The following PCDHA2 variants were observed in gnomAD, a reference collection of about 807,000 sequenced individuals.
The protein encoded by PCDHA2 is protocadherin alpha 2.
A neutral mutation model predicts 66.0 loss-of-function variants in PCDHA2; 58 were observed. That is an observed-to-expected ratio of 0.88 (90% CI 0.71 to 1.09). PCDHA2 has a LOEUF of 1.09. PCDHA2 is among the 50% of genes least tolerant of loss of function. The probability of loss-of-function intolerance (pLI) is 0.00; values close to 1 mark genes in which losing one functional copy is unlikely to be tolerated. For missense variants in PCDHA2, 1,267 were observed against 1,242.3 expected (o/e 1.02, Z -0.30); for synonymous variants, 634 against 554.0 (o/e 1.14, Z -2.03).
chr5:140,950,569 T>G (rs969438550), intron 1 of PCDHA2, among the ~76,000 whole-genome samples: 2 of 152,120 alleles, frequency 1.3e-5, no homozygotes, highest in African/African-American at 4.8e-5. Context: ...TATTTTAAGG[T>G]TTTCTACTTA....
At chr5:140,883,365 G>A in intron 1 of PCDHA2, 1 of 1,614,148 alleles carries the variant, frequency 6.2e-7, no homozygotes, top group Non-Finnish European at 8.5e-7. Context: ...ACTCAGCCTA[G>A]CGCCATTATT....
intron 1 of PCDHA2, chr5:140,809,589 C>A (rs782233808): frequency 6.5e-7 from 1 of 1,540,572 alleles, no homozygotes; most frequent in South Asian, 1.2e-5. Context: ...GTATAACATC[C>A]TTTTGTTTAA....
chr5:140,832,320 C>T (rs1189533156), intron 1 of PCDHA2, among the ~76,000 whole-genome samples: 1 of 152,296 alleles, frequency 6.6e-6, no homozygotes, highest in East Asian at 1.9e-4. Context: ...TGCTTAAGGG[C>T]CATTAGAGGA....
intron 1 of PCDHA2, among the ~76,000 whole-genome samples, chr5:140,942,287 G>A (rs1468201947): frequency 1.3e-5 from 2 of 152,102 alleles, no homozygotes; most frequent in African/African-American, 4.8e-5. Context: ...GCTCATGCCT[G>A]TAATCCTAGC....
At chr5:140,938,133 A>G (rs2091933876) in intron 1 of PCDHA2, among the ~76,000 whole-genome samples, 1 of 152,268 alleles carries the variant, frequency 6.6e-6, no homozygotes, top group South Asian at 2.1e-4. Context: ...AAAAATAGAG[A>G]TAGAGTCTCA....
chr5:140,929,140 C>T, intron 1 of PCDHA2: 1 of 1,614,176 alleles, frequency 6.2e-7, no homozygotes, highest in Non-Finnish European at 8.5e-7. Context: ...AGTTGAGAGA[C>T]TTTCTCAGAC....
At position 140,797,162 on chromosome 5, in the gene PCDHA2, C is replaced by A. The variant is rs782645226; in HGVS notation, c.2198C>A (p.Ala733Glu). ...CSVPPTEGAR[A>E]PGKPTLVCSS... ...GTGCCACCCACCGAGGGTGCGCGCG[C>A]GCCAGGAAAGCCCACGCTGGTGTGC... The change falls in exon 1 of 4, where the codon GCG becomes GAG. Residue 733 changes from alanine to glutamate, a missense_variant. Ala to Glu is a moderately radical substitution (Grantham distance 107). Transcript: ENST00000526136. 6.2e-7 allele frequency: 1 copy of A among 1,614,014 alleles called. No homozygotes were observed. The highest frequency in any genetic ancestry group is 8.5e-7 in the Non-Finnish European group (1 of 1,179,998).
chr5:140,998,243 C>T (rs1554256209), intron 3 of PCDHA2, among the ~76,000 whole-genome samples: 1 of 152,164 alleles, frequency 6.6e-6, no homozygotes, highest in Non-Finnish European at 1.5e-5. Context: ...CATTATTATA[C>T]TCATTTTACT....
At chr5:140,857,366 G>A in intron 1 of PCDHA2, 1 of 1,598,350 alleles carries the variant, frequency 6.3e-7, no homozygotes, top group Non-Finnish European at 8.6e-7. Context: ...CACGGCCAGC[G>A]TGTCTGTGGA....
chr5:140,875,573 C>A, intron 1 of PCDHA2: 1 of 1,614,112 alleles, frequency 6.2e-7, no homozygotes, highest in Non-Finnish European at 8.5e-7. Context: ...CTCCACTACT[C>A]CGTCTACGAG....
intron 1 of PCDHA2, among the ~76,000 whole-genome samples, chr5:140,845,743 T>C (rs2150214472): frequency 6.7e-6 from 1 of 149,754 alleles, no homozygotes; most frequent in East Asian, 1.9e-4. Flanking sequence ...ACTTTATAGA[T>C]TTATTTGTAT....
At chr5:140,809,777 C>T (rs74789742) in intron 1 of PCDHA2, 2 of 524,128 alleles carry the variant, frequency 3.8e-6, no homozygotes, top group Non-Finnish European at 6.5e-6. Flanking sequence ...TTATTCAATG[C>T]ATATTAACAG....
At chr5:140,901,235 T>A (rs1554189665) in intron 1 of PCDHA2, among the ~76,000 whole-genome samples, 1 of 152,174 alleles carries the variant, frequency 6.6e-6, no homozygotes, top group African/African-American at 2.4e-5. Context: ...TATATCCATT[T>A]TTTTCCTTTG....
intron 1 of PCDHA2, among the ~76,000 whole-genome samples, chr5:140,937,805 G>A (rs1192616946): frequency 1.3e-5 from 2 of 149,798 alleles, no homozygotes; most frequent in African/African-American, 2.5e-5. Context: ...CCAGCTACTC[G>A]GGAAGCTGAG....
At chr5:140,946,447 A>G (rs1206019841) in intron 1 of PCDHA2, among the ~76,000 whole-genome samples, 6 of 151,544 alleles carry the variant, frequency 4.0e-5, no homozygotes, top group Non-Finnish European at 7.4e-5. Context: ...AGACTAAAAC[A>G]ACTATCCAGC....
At chr5:140,925,671 A>AATAATG (rs1554202870) in intron 1 of PCDHA2, among the ~76,000 whole-genome samples, 40 of 148,180 alleles carry the variant, frequency 2.7e-4, no homozygotes, top group African/African-American at 9.5e-4. Flanking sequence ...TAATAATAAT[A>AATAATG]ATAATAAAGC....
chr5:140,842,286 C>T lies in PCDHA2; in HGVS notation c.2388+44934C>T, dbSNP rs1554138940. 21 of 1,610,290 alleles carry T rather than the reference C, an allele frequency of 1.3e-5. 1 individual carries two copies. The highest frequency in any genetic ancestry group is 1.5e-5 in the Non-Finnish European group (18 of 1,176,908). On this transcript the variant is annotated intron_variant, in intron 1 of 3. Transcript: ENST00000526136. ...AACTTATACAAAATCCTCATTGACG[C>T]CACGGACAAAGGCCATCCTCCCATG...
intron 1 of PCDHA2, chr5:140,881,407 A>G (rs2058705270): frequency 1.0e-6 from 1 of 956,680 alleles, no homozygotes; most frequent in South Asian, 4.8e-5. Flanking sequence ...TATTAAATCA[A>G]TAGGATATTA....
intron 1 of PCDHA2, chr5:140,841,422 C>T: frequency 6.2e-7 from 1 of 1,612,994 alleles, no homozygotes; most frequent in East Asian, 2.2e-5. Context: ...CTCCACTACT[C>T]CGTCCCCGAG....
Sources: allele counts gnomAD v4.1 joint callset (sites outside exome capture counted in the v4.1 genomes callset), GRCh38; gene constraint gnomAD v4.1.1; transcripts MANE v1.5; gene names NCBI Gene and HGNC (gene_info 2026-07-23, HGNC 2026-07-21).